Variants in EFCAB6 observed in about 807,000 individuals in gnomAD.
EFCAB6 encodes EF-hand calcium binding domain 6, also known as EF-hand calcium-binding domain-containing protein 6.
A neutral mutation model predicts 169.8 loss-of-function variants in EFCAB6; 156 were observed. The observed-to-expected ratio is 0.92, with a 90% CI of 0.81 to 1.05. EFCAB6 has a LOEUF of 1.05. EFCAB6 is among the 50% of genes least tolerant of loss of function. EFCAB6 has a pLI of 0.00. For synonymous variants in EFCAB6, 698 were observed against 676.4 expected, an observed-to-expected ratio of 1.03 and a Z score of -0.50; for missense variants, 1,800 against 1,829.1, an observed-to-expected ratio of 0.98 and a Z score of 0.29.
chr22:43,595,575 C>T (rs779910885), intron 23 of EFCAB6, among the ~76,000 whole-genome samples: 1 of 152,044 alleles, frequency 6.6e-6, no homozygotes, highest in Non-Finnish European at 1.5e-5. Flanking sequence ...AACACACCAA[C>T]AATGAGTAAC....
At chr22:43,634,413 C>A (rs1173668701) in intron 18 of EFCAB6, among the ~76,000 whole-genome samples, 2 of 152,110 alleles carry the variant, frequency 1.3e-5, no homozygotes, top group African/African-American at 4.8e-5. Context: ...AAACTCACCA[C>A]CTCACACGGT....
At chr22:43,715,423 A>C (rs1169511348) in intron 9 of EFCAB6, among the ~76,000 whole-genome samples, 1 of 152,234 alleles carries the variant, frequency 6.6e-6, no homozygotes, top group Non-Finnish European at 1.5e-5. Context: ...CCACCAGCAA[A>C]GCACTGGCAA....
At chr22:43,710,338 T>C (rs562885003) in intron 10 of EFCAB6, among the ~76,000 whole-genome samples, 1 of 152,238 alleles carries the variant, frequency 6.6e-6, no homozygotes, top group South Asian at 2.1e-4. Flanking sequence ...AACGTGAAAA[T>C]GCTCCCACTG....
At chr22:43,578,253 G>A (rs868413975) in intron 25 of EFCAB6, among the ~76,000 whole-genome samples, 1 of 152,142 alleles carries the variant, frequency 6.6e-6, no homozygotes, top group Non-Finnish European at 1.5e-5. Context: ...GCAAGGTTAT[G>A]ATCAAAGAGA....
chr22:43,638,071 C>G (rs148140667), intron 17 of EFCAB6, among the ~76,000 whole-genome samples: 1 of 152,088 alleles, frequency 6.6e-6, no homozygotes, highest in South Asian at 2.1e-4. Context: ...CCCAGGGGCA[C>G]GGAGCACCGG....
chr22:43,667,634 G>A (rs1263876384), intron 16 of EFCAB6, among the ~76,000 whole-genome samples: 1 of 152,126 alleles, frequency 6.6e-6, no homozygotes, highest in Non-Finnish European at 1.5e-5. Flanking sequence ...GATATTTTTT[G>A]TGAAGTGGAA....
At chr22:43,678,217 A>G (rs2057854185) in intron 12 of EFCAB6, 54 bp from the exon 13 acceptor site, 1 of 1,514,482 alleles carries the variant, frequency 6.6e-7, no homozygotes. Flanking sequence ...AAAAAGGAAG[A>G]AAAAGTGTTA....
chr22:43,742,934 G>A (rs2060426110), intron 6 of EFCAB6, among the ~76,000 whole-genome samples: 1 of 152,186 alleles, frequency 6.6e-6, no homozygotes, highest in South Asian at 2.1e-4. Context: ...CAAACCCACT[G>A]GGCTCTTCTG....
At position 43,540,241 on chromosome 22, in the gene EFCAB6, C is replaced by T. The variant is rs151051786; in HGVS notation, c.3765G>A (p.Ser1255=). Residue 1255 remains serine (S), a synonymous_variant, in exon 28 of 32, where the codon TCG becomes TCA. Transcript: ENST00000262726. ...TAATPMATGD[S]AVAQRGSSVP... ...CACTGCTCCCTCTCTGGGCCACGGC[C>T]GAGTCACCAGTGGCCATTGGTGTGG... 3.2e-4 allele frequency: 514 copies of T among 1,614,208 alleles called. 4 individuals are homozygous for T. In the African/African-American group the frequency reaches 6.0e-3, roughly 19 times the overall value.
chr22:43,755,908 A>C lies in EFCAB6; in HGVS notation c.441-76T>G, dbSNP rs2060942441. ...TTTACATAGGATATGCAGAGATCAA[A>C]ATTACAAGGATTTCCAAATAATCTA... On this transcript the variant is annotated intron_variant, in intron 5 of 31. Coordinates refer to ENST00000262726, the MANE Select transcript of EFCAB6 (RefSeq NM_022785.4). 5 of 1,279,650 alleles carry C rather than the reference A, an allele frequency of 3.9e-6. No individual in the cohort carries two copies. The Admixed American group carries it at 1.5e-4, about 38-fold the overall frequency. 79.3% of individuals were successfully genotyped at this position (1,279,650 alleles called of 1,614,324 possible).
At chr22:43,740,142 A>C (rs929900507) in intron 6 of EFCAB6, among the ~76,000 whole-genome samples, 4 of 151,732 alleles carry the variant, frequency 2.6e-5, no homozygotes, top group African/African-American at 9.7e-5. Flanking sequence ...TCACTGGCTC[A>C]CTCCCTGGCT....
intron 1 of EFCAB6, among the ~76,000 whole-genome samples, chr22:43,810,068 G>C (rs1569498677): frequency 1.3e-5 from 2 of 151,660 alleles, no homozygotes; most frequent in Non-Finnish European, 2.9e-5. Flanking sequence ...AGATATGGGG[G>C]GGGTCTGACT....
At chr22:43,717,864 G>C (rs1023199696) in intron 8 of EFCAB6, among the ~76,000 whole-genome samples, 4 of 152,148 alleles carry the variant, frequency 2.6e-5, no homozygotes, top group African/African-American at 9.7e-5. Flanking sequence ...ATTCATAGAA[G>C]ATGAATTTTA....
At chr22:43,738,953 T>C (rs777438946) in intron 6 of EFCAB6, among the ~76,000 whole-genome samples, 5 of 152,174 alleles carry the variant, frequency 3.3e-5, no homozygotes, top group Admixed American at 6.5e-5. Flanking sequence ...GTGATGCACA[T>C]GACCCTGACC....
chr22:43,706,307 T>C (rs2058958430), intron 10 of EFCAB6, among the ~76,000 whole-genome samples: 1 of 152,236 alleles, frequency 6.6e-6, no homozygotes, highest in Admixed American at 6.5e-5. Context: ...CTCCTGCCTC[T>C]CACCTTTTCA....
rs146603404 is a variant in EFCAB6, at chr22:43,629,290, G to A, written c.2233-2611C>T. ...TGCGTAGTACAGAGGCTTTGGAATC[G>A]AGCCGGTGTTATTTCAGTTCCTGAC... On this transcript the variant is annotated intron_variant, in intron 19 of 31. Coordinates refer to ENST00000262726, the MANE Select transcript of EFCAB6 (RefSeq NM_022785.4). Among the ~76,000 whole-genome samples, 267 of 152,308 alleles carry A rather than the reference G, an allele frequency of 1.8e-3. 1 individual carries two copies. Among genetic ancestry groups the A allele is most frequent in the African/African-American group, 6.3e-3 (263 of 41,576 alleles).
chr22:43,530,925 G>A lies in EFCAB6; in HGVS notation c.4273C>T (p.Leu1425=). The change falls in exon 31 of 32, where the codon CTG becomes TTG. Residue 1425 remains leucine (L), a synonymous_variant. Transcript: ENST00000262726. ...GAETPSFYSA[L]LRIQPKIVHC... ...ACAATTTTGGGCTGAATACGCAGCA[G>A]AGCAGAGTAAAAAGATGGCGTCTCC... The A allele has an allele frequency of 6.2e-7, 1 of 1,614,242 alleles. No homozygotes were observed. The highest frequency in any genetic ancestry group is 2.2e-5 in the East Asian group (1 of 44,886).
intron 26 of EFCAB6, among the ~76,000 whole-genome samples, chr22:43,573,965 C>T (rs1337855877): frequency 6.6e-6 from 1 of 151,984 alleles, no homozygotes; most frequent in Non-Finnish European, 1.5e-5. Context: ...CCCAATAGGA[C>T]AGAATTATTT....
At chr22:43,561,002 C>T (rs752945179) in intron 26 of EFCAB6, among the ~76,000 whole-genome samples, 4 of 152,056 alleles carry the variant, frequency 2.6e-5, no homozygotes, top group African/African-American at 9.7e-5. Context: ...GGTGGCTGGC[C>T]GCCCGTGCAA....
Sources: gnomAD v4.1 joint callset for allele counts (sites outside exome capture counted in the v4.1 genomes callset) on GRCh38, gnomAD v4.1.1 for gene constraint, MANE v1.5 for transcripts, NCBI Gene and HGNC (gene_info 2026-07-23, HGNC 2026-07-21) for gene names.